VGF: variants seen among roughly 807,000 people sequenced by gnomAD.
The protein encoded by VGF is neurosecretory protein VGF.
Under a neutral mutation model 41.1 loss-of-function variants are expected in VGF, and 13 were observed. The observed-to-expected ratio is 0.32, with a 90% CI of 0.21 to 0.50. The LOEUF (loss-of-function observed/expected upper bound fraction) is 0.50. Ranked by LOEUF, VGF falls within the 20% of genes least tolerant of loss-of-function variation. The pLI is 0.98. For missense variants in VGF, 920 were observed against 882.1 expected, an observed-to-expected ratio of 1.04 and a Z score of -0.54; for synonymous variants, 473 against 418.3, an observed-to-expected ratio of 1.13 and a Z score of -1.60.
chr7:101,168,399 C>T (rs11980094), upstream of VGF, among the ~76,000 whole-genome samples: 1 of 152,180 alleles, frequency 6.6e-6, no homozygotes, highest in Non-Finnish European at 1.5e-5. Flanking sequence ...CCTGGGTCAG[C>T]TCATTCACAC....
rs1317840755 is a variant in VGF at position 101,164,554 on chromosome 7, G to A, written c.290C>T (p.Pro97Leu). 6.3e-7 allele frequency: 1 copy of A among 1,599,450 alleles called. No homozygotes were observed. The highest frequency in any genetic ancestry group is 1.1e-5 in the South Asian group (1 of 90,480). Residue 97 changes from proline (P) to leucine (L), a missense_variant, in exon 2 of 2, where the codon CCG (proline) becomes CTG (leucine). Coordinates refer to ENST00000249330, the MANE Select transcript of VGF (RefSeq NM_003378.4). ...CCCCTGCTGGGAGCCGCTTGGTGCC[G>A]GGGGTGAGGCGGGACGGTCGAGTGC... ...LQALDRPASPPAPSGSQQGPE... is the reference protein window; with the variant it reads ...LQALDRPASPLAPSGSQQGPE...
Position 101,163,607 on chromosome 7 carries a change from C to T in VGF, c.1237G>A (p.Ala413Thr), listed in dbSNP as rs1797156792. ...TGGGAGCGCTTGTCCTCGGCGCCGG[C>T]TTCCCCGTCCTCCTCCTCCGCGAAC... is the stretch of plus-strand genomic sequence containing the variant. ...LLFAEEEDGE[A>T]GAEDKRSQEE... Residue 413 changes from alanine (A) to threonine (T), a missense_variant, in exon 2 of 2, where the codon GCC (alanine) becomes ACC (threonine). Physicochemically the swap from Ala to Thr is moderately conservative, Grantham distance 58. This residue lies in a region of VGF where 654 missense variants were observed against 638.4 expected (regional missense o/e 1.02). Coordinates refer to ENST00000249330, the MANE Select transcript of VGF (RefSeq NM_003378.4). The surrounding 1 kb of genome is among the most constrained non-coding windows in gnomAD (Gnocchi z 5.0). The T allele has an allele frequency of 6.4e-7, 1 of 1,553,758 alleles. No individual in the cohort carries two copies. The highest frequency in any genetic ancestry group is 2.4e-5 in the East Asian group (1 of 41,632).
At chr7:101,168,023 T>TTTG (rs1026086611), upstream of VGF, among the ~76,000 whole-genome samples, 2 of 150,426 alleles carry the variant, frequency 1.3e-5, no homozygotes, top group African/African-American at 4.9e-5. Flanking sequence ...TTTTTTGTTT[T>TTTG]TTTTTTTTAT....
Position 101,163,816 on chromosome 7 carries a change from T to C in VGF, c.1028A>G (p.Gln343Arg). The change falls in exon 2 of 2, where the codon CAG becomes CGG. Residue 343 changes from glutamine (Q) to arginine (R), a missense_variant. Around this residue, in one of 3 missense-constraint regions of VGF, gnomAD observed 654 missense variants for 638.4 expected, o/e 1.02. Transcript: ENST00000249330. This position sits in a 1 kb window ranked among gnomAD's most constrained non-coding sequence, Gnocchi z 5.0. ...CAGCCCCCGACCCCCGAGGCCGCGC[T>C]GCCGGGCCCCGCCCTGCAGCAAATA... ...LQYLLQGGAR[Q>R]RGLGGRGLQE... The C allele has an allele frequency of 6.5e-7, 1 of 1,532,266 alleles. No individual in the cohort carries two copies. The allele number at this position is 1,532,266 out of a possible 1,614,324, so 94.9% of individuals were successfully genotyped here. A position where few individuals can be genotyped will look rare whatever the true frequency, so the allele number is the denominator to read the frequency against.
rs369818277 is a variant in VGF, at chr7:101,162,588, AG to A, written c.*407del. The stretch of plus-strand genomic sequence containing the variant: ...GTATTTACAACAGAGAAAGGAAAGA[AG>A]GGGTCAATTCACAGCGACTTGGAGA... On this transcript the variant is annotated 3_prime_UTR_variant, in exon 2 of 2. Transcript: ENST00000249330. The surrounding 1 kb of genome is among the most constrained non-coding windows in gnomAD (Gnocchi z 4.2). 2.1e-3 allele frequency: 626 copies of A among 298,792 alleles called. 2 individuals carry two copies. The highest frequency in any genetic ancestry group is 0.013 in the African/African-American group (566 of 43,232). 18.5% of individuals were successfully genotyped at this position (298,792 alleles called of 1,614,324 possible). A position where few individuals can be genotyped will look rare whatever the true frequency, so the allele number is the denominator to read the frequency against.
At position 101,163,997 on chromosome 7, in the gene VGF, C is replaced by G. The variant is rs937421119; in HGVS notation, c.847G>C (p.Glu283Gln). The G allele has an allele frequency of 1.4e-6, 2 of 1,469,796 alleles. No individual in the cohort carries two copies. Among genetic ancestry groups the G allele is most frequent in the African/African-American group, 1.4e-5 (1 of 69,020 alleles). 91.0% of individuals were successfully genotyped at this position (1,469,796 alleles called of 1,614,324 possible). A position where few individuals can be genotyped will look rare whatever the true frequency, so the allele number is the denominator to read the frequency against. ...AAPFPKARRP[E>Q]SALLGGSEAG... ...TCGGAGCCGCCCAGGAGTGCGCTCT[C>G]CGGCCGGCGCGCCTTGGGGAACGGG... is the stretch of plus-strand genomic sequence containing the variant. The change falls in exon 2 of 2, where the codon GAG (glutamate) becomes CAG (glutamine). Residue 283 changes from glutamate (E) to glutamine (Q), a missense_variant. Physicochemically the swap from Glu to Gln is conservative, Grantham distance 29. Around this residue, in one of 3 missense-constraint regions of VGF, gnomAD observed 654 missense variants for 638.4 expected, o/e 1.02. Transcript: ENST00000249330. The surrounding 1 kb of genome is among the most constrained non-coding windows in gnomAD (Gnocchi z 5.0).
rs539796512 is a variant in VGF at position 101,165,031 on chromosome 7, A to G, written c.-20-168T>C. The stretch of plus-strand genomic sequence containing the variant: ...AGCAAAGGAGGAAGATGTTGTGCCG[A>G]TCTCTGGAGCCGTGTAAATGGGAAA... On this transcript the variant is annotated intron_variant, in intron 1 of 1. Coordinates refer to ENST00000249330, the MANE Select transcript of VGF (RefSeq NM_003378.4). 71 of 1,322,180 alleles carry G rather than the reference A, an allele frequency of 5.4e-5. 1 individual carries two copies. In the East Asian group the frequency reaches 1.6e-3, roughly 30 times the overall value. 81.9% of individuals were successfully genotyped at this position (1,322,180 alleles called of 1,614,324 possible).
Position 101,164,533 on chromosome 7 carries a change from T to A in VGF, c.311A>T (p.Gln104Leu). 6.3e-7 allele frequency: 1 copy of A among 1,599,260 alleles called. No individual in the cohort carries two copies. Among genetic ancestry groups the A allele is most frequent in the Non-Finnish European group, 8.5e-7 (1 of 1,178,048 alleles). Residue 104 changes from glutamine to leucine, a missense_variant, in exon 2 of 2, where the codon CAG (glutamine) becomes CTG (leucine). Gln to Leu is a moderately radical substitution (Grantham distance 113). Transcript: ENST00000249330. ...TTCAGCTGCTTCTTCCTCCGGCCCC[T>A]GCTGGGAGCCGCTTGGTGCCGGGGG... ...ASPPAPSGSQQGPEEEAAEAL... is the reference protein window; with the variant it reads ...ASPPAPSGSQLGPEEEAAEAL...
At position 101,165,523 on chromosome 7, in the gene VGF, G is replaced by C. The variant is rs1411765286; in HGVS notation, c.-170C>G. 1.0e-6 allele frequency: 1 copy of C among 985,358 alleles called. No individual in the cohort carries two copies. The highest frequency in any genetic ancestry group is 1.1e-4 in the East Asian group (1 of 8,806). The allele number at this position is 985,358 out of a possible 1,614,324, so 61.0% of individuals were successfully genotyped here. On this transcript the variant is annotated 5_prime_UTR_variant, in exon 1 of 2. Coordinates refer to ENST00000249330, the MANE Select transcript of VGF (RefSeq NM_003378.4). The stretch of plus-strand genomic sequence containing the variant: ...GCGTCCCGTGGGCTGGGCTCAGCTG[G>C]GTCGGCGCGGCTCCGGGCGGCTAGC...
rs905932070 is a variant in VGF, at chr7:101,163,714, C to G, written c.1130G>C (p.Arg377Thr). The G allele has an allele frequency of 2.1e-5, 33 of 1,535,244 alleles. No homozygotes were observed. The highest frequency in any genetic ancestry group is 2.3e-5 in the Non-Finnish European group (26 of 1,146,384). Reference sequence around the variant, plus strand: ...CGCCTCCTCATCCTCTTCCCCCACCCTCTCCTCCCCGCCGCGTCTCTCCTG... The same window carrying G: ...CGCCTCCTCATCCTCTTCCCCCACCGTCTCCTCCCCGCCGCGTCTCTCCTG... ...AEQERRGGEERVGEEDEEAAE... is the reference protein window; with the variant it reads ...AEQERRGGEETVGEEDEEAAE... Residue 377 changes from arginine to threonine, a missense_variant, in exon 2 of 2, where the codon AGG becomes ACG. This residue lies in a region of VGF where 654 missense variants were observed against 638.4 expected (regional missense o/e 1.02). Coordinates refer to ENST00000249330, the MANE Select transcript of VGF (RefSeq NM_003378.4). This position sits in a 1 kb window ranked among gnomAD's most constrained non-coding sequence, Gnocchi z 5.0.
upstream of VGF, among the ~76,000 whole-genome samples, chr7:101,168,144 T>C (rs554179633): frequency 3.3e-5 from 5 of 152,082 alleles, 1 homozygote; most frequent in Admixed American, 2.0e-4. Context: ...CACAACAATG[T>C]GTGTGTAAGC....
rs1202377910 is a variant in VGF, at chr7:101,163,337, C to T, written c.1507G>A (p.Val503Ile). 14 of 248,632 alleles carry T rather than the reference C, an allele frequency of 5.6e-5. No homozygotes were observed. Among genetic ancestry groups the T allele is most frequent in the African/African-American group, 2.0e-4 (2 of 10,118 alleles). 15.4% of individuals were successfully genotyped at this position (248,632 alleles called of 1,614,324 possible). The change falls in exon 2 of 2, where the codon GTC becomes ATC. Residue 503 changes from valine (V) to isoleucine (I), a missense_variant. Val to Ile is a conservative substitution (Grantham distance 29, BLOSUM62 3). Around this residue, in one of 3 missense-constraint regions of VGF, gnomAD observed 257 missense variants for 217.2 expected, o/e 1.18. Transcript: ENST00000249330. This position sits in a 1 kb window ranked among gnomAD's most constrained non-coding sequence, Gnocchi z 5.0. The part of the protein sequence containing the change: ...PPRAAPAPTH[V>I]RSPQPPPPAP... ...GGGGGCGGGGGCTGCGGGGAGCGGA[C>T]GTGGGTGGGGGCGGGGGCGGCACGG... is the stretch of plus-strand genomic sequence containing the variant.
chr7:101,162,816 G>A lies in VGF; in HGVS notation c.*180C>T, dbSNP rs1281329144. The stretch of plus-strand genomic sequence containing the variant: ...GGTCACCCGCGGGTGAGCTCTGGGA[G>A]TTCGGGCTCAGGACCCGGGAGGGGG... On this transcript the variant is annotated 3_prime_UTR_variant, in exon 2 of 2. Transcript: ENST00000249330. The surrounding 1 kb of genome is among the most constrained non-coding windows in gnomAD (Gnocchi z 4.2). 3 of 659,404 alleles carry A rather than the reference G, an allele frequency of 4.5e-6. No homozygotes were observed. Among genetic ancestry groups the A allele is most frequent in the Non-Finnish European group, 8.4e-6 (3 of 359,272 alleles). The allele number at this position is 659,404 out of a possible 1,614,324, so 40.8% of individuals were successfully genotyped here. A position where few individuals can be genotyped will look rare whatever the true frequency, so the allele number is the denominator to read the frequency against.
In VGF at chr7:101,163,593, G is replaced by A. The variant is rs769153017; in HGVS notation, c.1251C>T (p.Asp417=). The A allele has an allele frequency of 2.0e-5, 31 of 1,563,608 alleles. No homozygotes were observed. The African/African-American group carries it at 3.9e-4, about 20-fold the overall frequency. ...EEEDGEAGAE[D]KRSQEETPGH... is the part of the protein sequence containing the mutation. ...CCGGCGTCTCCTCCTGGGAGCGCTT[G>A]TCCTCGGCGCCGGCTTCCCCGTCCT... Residue 417 remains aspartate, a synonymous_variant, in exon 2 of 2, where the codon GAC becomes GAT. Coordinates refer to ENST00000249330, the MANE Select transcript of VGF (RefSeq NM_003378.4). This position sits in a 1 kb window ranked among gnomAD's most constrained non-coding sequence, Gnocchi z 5.0.
At position 101,163,744 on chromosome 7, in the gene VGF, G is replaced by GCCT; in HGVS notation, c.1097_1099dup (p.Glu366dup). 1.3e-6 allele frequency: 2 copies of GCCT among 1,532,674 alleles called. No individual in the cohort carries two copies. Among genetic ancestry groups the GCCT allele is most frequent in the Non-Finnish European group, 1.7e-6 (2 of 1,144,888 alleles). 94.9% of individuals were successfully genotyped at this position (1,532,674 alleles called of 1,614,324 possible). ...CTCCCCGCCGCGTCTCTCCTGCTCC[G>GCCT]CCTCCTCCTCCTCCCTTGCACTCTC... On this transcript the variant is annotated inframe_insertion, in exon 2 of 2. Transcript: ENST00000249330. The surrounding 1 kb of genome is among the most constrained non-coding windows in gnomAD (Gnocchi z 5.0).
Position 101,163,123 on chromosome 7 carries a change from C to T in VGF, c.1721G>A (p.Arg574His). The T allele has an allele frequency of 6.3e-7, 1 of 1,585,584 alleles. No individual in the cohort carries two copies. Among genetic ancestry groups the T allele is most frequent in the Non-Finnish European group, 8.6e-7 (1 of 1,169,274 alleles). The change falls in exon 2 of 2, where the codon CGC becomes CAC. Residue 574 changes from arginine (R) to histidine (H), a missense_variant. Coordinates refer to ENST00000249330, the MANE Select transcript of VGF (RefSeq NM_003378.4). The surrounding 1 kb of genome is among the most constrained non-coding windows in gnomAD (Gnocchi z 5.0). ...RHYHHALPPS[R>H]HYPGREAQAR... ...CTGGGCCTCCCGGCCGGGATAGTGG[C>T]GCGAAGGCGGCAAGGCGTGGTGGTA...
Position 101,162,946 on chromosome 7 carries a change from C to T in VGF, c.*50G>A, listed in dbSNP as rs1343522333. On this transcript the variant is annotated 3_prime_UTR_variant, in exon 2 of 2. Coordinates refer to ENST00000249330, the MANE Select transcript of VGF (RefSeq NM_003378.4). This position sits in a 1 kb window ranked among gnomAD's most constrained non-coding sequence, Gnocchi z 4.2. ...GAGCGGGCAACACGGAGGGGGGCGC[C>T]GGCGCGCGCGCGCGGCGGGGGCGCG... The T allele has an allele frequency of 2.1e-6, 2 of 932,906 alleles. No homozygotes were observed. Among genetic ancestry groups the T allele is most frequent in the Non-Finnish European group, 2.9e-6 (2 of 698,340 alleles). The allele number at this position is 932,906 out of a possible 1,614,324, so 57.8% of individuals were successfully genotyped here.
chr7:101,163,795 C>A lies in VGF; in HGVS notation c.1049G>T (p.Gly350Val). The A allele has an allele frequency of 6.5e-7, 1 of 1,533,312 alleles. No individual in the cohort carries two copies. The allele number at this position is 1,533,312 out of a possible 1,614,324, so 95.0% of individuals were successfully genotyped here. The change falls in exon 2 of 2, where the codon GGG becomes GTG. Residue 350 changes from glycine (G) to valine (V), a missense_variant. By Grantham distance (109) the Gly-to-Val change is moderately radical. Coordinates refer to ENST00000249330, the MANE Select transcript of VGF (RefSeq NM_003378.4). The surrounding 1 kb of genome is among the most constrained non-coding windows in gnomAD (Gnocchi z 5.0). ...GARQRGLGGRGLQEAAEERES... is the reference protein window; with the variant it reads ...GARQRGLGGRVLQEAAEERES... ...TCGCTCCTCCGCCGCCTCCTGCAGC[C>A]CCCGACCCCCGAGGCCGCGCTGCCG...
upstream of VGF, among the ~76,000 whole-genome samples, chr7:101,169,663 C>T (rs1398510390): frequency 1.3e-5 from 2 of 152,152 alleles, no homozygotes. Context: ...CAGGGACTCA[C>T]AGGCTGCGCT....
Sources: gnomAD v4.1 joint callset for allele counts (sites outside exome capture counted in the v4.1 genomes callset) on GRCh38, gnomAD v4.1.1 for gene constraint, gnomAD v4.1.1 regional missense constraint, Gnocchi (gnomAD v3.1) non-coding constraint, MANE v1.5 for transcripts, NCBI Gene and HGNC (gene_info 2026-07-23, HGNC 2026-07-21) for gene names.